TG: variants seen among roughly 807,000 people sequenced by gnomAD.
TG encodes thyroid hormones.
In TG, 270 loss-of-function variants were observed where a neutral mutation model predicts 324.7. That is an observed-to-expected ratio of 0.83 (90% CI 0.75 to 0.92). The LOEUF is 0.92. Ranked by LOEUF, TG falls within the 40% of genes least tolerant of loss-of-function variation. The pLI is 0.00. For missense variants in TG, 3,591 were observed against 3,456.4 expected, an observed-to-expected ratio of 1.04 and a Z score of -0.98; for synonymous variants, 1,401 against 1,327.0, an observed-to-expected ratio of 1.06 and a Z score of -1.21.
At chr8:132,869,136 CT>C (rs1303201604) in intron 2 of TG, among the ~76,000 whole-genome samples, 6 of 152,314 alleles carry the variant, frequency 3.9e-5, no homozygotes, top group African/African-American at 1.4e-4. Flanking sequence ...CTCTCTTGTT[CT>C]GGCCTCTTGC....
At chr8:132,933,291 T>TG (rs1823008938) in intron 23 of TG, among the ~76,000 whole-genome samples, 2 of 152,286 alleles carry the variant, frequency 1.3e-5, no homozygotes, top group Non-Finnish European at 2.9e-5. Context: ...GAGGTATGTG[T>TG]TTATTTTGGT....
intron 41 of TG, 55 bp downstream of exon 41, chr8:133,030,078 G>A: frequency 6.2e-7 from 1 of 1,608,240 alleles, no homozygotes; most frequent in South Asian, 1.1e-5. Flanking sequence ...TGGGGGAGGT[G>A]GTTCTCCTGT....
Position 133,072,050 on chromosome 8 carries a change from C to G in TG, c.7240-22994C>G, listed in dbSNP as rs568820320. The stretch of plus-strand genomic sequence containing the variant: ...ACCGTCTGAGGTAGCTATTTTGCCC[C>G]TAAGCACAAGCCAGCAACAATTCTC... On this transcript the variant is annotated intron_variant, in intron 41 of 47. Transcript: ENST00000220616. Among the ~76,000 whole-genome samples the G allele has an allele frequency of 5.9e-5, 9 of 152,294 alleles. No individual in the cohort carries two copies. The East Asian group carries it at 1.7e-3, about 29-fold the overall frequency.
intron 41 of TG, chr8:133,094,548 A>T (rs969024022): frequency 4.0e-5 from 8 of 200,200 alleles, no homozygotes; most frequent in Non-Finnish European, 8.4e-5. Flanking sequence ...ATTTTGATGA[A>T]GCAATTTACC....
At chr8:132,955,210 T>C (rs564330910) in intron 27 of TG, among the ~76,000 whole-genome samples, 1 of 152,212 alleles carries the variant, frequency 6.6e-6, no homozygotes, top group East Asian at 1.9e-4. Context: ...AAGTCACTAG[T>C]GGATTGTAAT....
chr8:132,902,640 C>A (rs996871694), intron 16 of TG, among the ~76,000 whole-genome samples: 1 of 152,198 alleles, frequency 6.6e-6, no homozygotes, highest in Non-Finnish European at 1.5e-5. Flanking sequence ...GATATGTATG[C>A]ATGCAACTGC....
At chr8:133,113,851 C>T (rs898269047) in intron 44 of TG, among the ~76,000 whole-genome samples, 10 of 152,174 alleles carry the variant, frequency 6.6e-5, no homozygotes, top group Admixed American at 4.6e-4. Flanking sequence ...GACTCTGGCT[C>T]TTCCTGGGCC....
chr8:133,069,203 C>G (rs4736622), intron 41 of TG, among the ~76,000 whole-genome samples: 12 of 152,130 alleles, frequency 7.9e-5, no homozygotes, highest in Admixed American at 3.9e-4. Flanking sequence ...CTATAAAGTC[C>G]GTGATTTCTT....
At chr8:133,045,131 G>C in intron 41 of TG, 1 of 1,613,774 alleles carries the variant, frequency 6.2e-7, no homozygotes, top group Non-Finnish European at 8.5e-7. Flanking sequence ...GGAGGTGGAG[G>C]ATAAGTCAGT....
chr8:132,871,031 A>G (rs1839437136), intron 3 of TG, among the ~76,000 whole-genome samples: 1 of 152,146 alleles, frequency 6.6e-6, no homozygotes, highest in South Asian at 2.1e-4. Context: ...GATCACACAG[A>G]GAGCCCGTGG....
intron 41 of TG, among the ~76,000 whole-genome samples, chr8:133,082,729 G>A (rs534772288): frequency 1.3e-5 from 2 of 152,220 alleles, no homozygotes; most frequent in Non-Finnish European, 2.9e-5. Context: ...AGCACAAAAT[G>A]ACGGTAGGAT....
chr8:133,067,700 C>T (rs1244010705), intron 41 of TG, among the ~76,000 whole-genome samples: 4 of 151,850 alleles, frequency 2.6e-5, no homozygotes, highest in Admixed American at 6.6e-5. Context: ...CACTTGAACC[C>T]GTGAGGCAGA....
intron 8 of TG, chr8:132,883,390 C>T (rs190486405): frequency 1.6e-4 from 39 of 242,642 alleles, no homozygotes; most frequent in African/African-American, 8.4e-4. Context: ...CATACTTGAT[C>T]AGAATCTTCT....
chr8:132,907,259 C>T (rs1226032665), intron 17 of TG, among the ~76,000 whole-genome samples: 1 of 152,200 alleles, frequency 6.6e-6, no homozygotes, highest in Non-Finnish European at 1.5e-5. Flanking sequence ...CTCTGACATG[C>T]TCAGAGCTGC....
chr8:133,038,822 A>G, intron 41 of TG: 1 of 808,074 alleles, frequency 1.2e-6, no homozygotes, highest in Non-Finnish European at 2.0e-6. Context: ...AGAGAATGAG[A>G]ACAGGAGGAA....
intron 10 of TG, among the ~76,000 whole-genome samples, chr8:132,892,829 GTGTA>G (rs1347866078): frequency 6.7e-6 from 1 of 150,368 alleles, no homozygotes; most frequent in African/African-American, 2.5e-5. Flanking sequence ...TGTGGTGTGT[GTGTA>G]TGTGTGTGGT....
At chr8:132,967,110 GATCCATCCATCCATCC>G (rs58544413) in intron 30 of TG, among the ~76,000 whole-genome samples, 6 of 129,204 alleles carry the variant, frequency 4.6e-5, no homozygotes, top group Admixed American at 7.8e-5. Flanking sequence ...CCATCCATTC[GATCCATCCATCCATCC>G]ATCCATCCAT....
At chr8:133,007,112 A>G (rs938322671) in intron 35 of TG, among the ~76,000 whole-genome samples, 3 of 152,122 alleles carry the variant, frequency 2.0e-5, no homozygotes, top group Non-Finnish European at 4.4e-5. Context: ...TTTTTATTGC[A>G]AGAATTTAGT....
chr8:132,924,758 T>C (rs770054756), intron 22 of TG, among the ~76,000 whole-genome samples: 58 of 152,220 alleles, frequency 3.8e-4, no homozygotes, highest in Non-Finnish European at 7.6e-4. Context: ...AGTTTCTTCG[T>C]CTGTAAAATG....
Sources: allele counts gnomAD v4.1 joint callset (sites outside exome capture counted in the v4.1 genomes callset), GRCh38; gene constraint gnomAD v4.1.1; transcripts MANE v1.5; gene names NCBI Gene and HGNC (gene_info 2026-07-23, HGNC 2026-07-21).